Variants in DCLRE1C observed in about 807,000 individuals in gnomAD.
DCLRE1C encodes protein artemis.
In DCLRE1C, 47 loss-of-function variants were observed where a neutral mutation model predicts 61.4. The ratio of observed to expected loss-of-function variants is 0.77; its 90% confidence interval spans 0.61 to 0.98. DCLRE1C has a LOEUF of 0.98. Among genes scored for constraint, DCLRE1C ranks in the 50% least tolerant of loss-of-function variants. The pLI, the probability that DCLRE1C is intolerant of heterozygous loss-of-function variation, is 0.00. For synonymous variants in DCLRE1C, 337 were observed against 287.6 expected, an observed-to-expected ratio of 1.17 and a Z score of -1.74; for missense variants, 858 against 816.0, an observed-to-expected ratio of 1.05 and a Z score of -0.63.
intron 10 of DCLRE1C, among the ~76,000 whole-genome samples, 172 bp from the exon 11 acceptor site, chr10:14,927,069 G>A (rs1838128050): frequency 6.6e-6 from 1 of 152,208 alleles, no homozygotes; most frequent in African/African-American, 2.4e-5. Context: ...GGATAGCAGG[G>A]AACCTTTTCC....
intron 1 of DCLRE1C, among the ~76,000 whole-genome samples, chr10:14,951,484 T>G (rs537098927): frequency 2.1e-4 from 32 of 150,660 alleles, no homozygotes; most frequent in East Asian, 1.4e-3. Context: ...CAGTTTCTCA[T>G]GTTTGAGCTG....
At chr10:14,936,034 C>T (rs1564445088) in intron 5 of DCLRE1C, among the ~76,000 whole-genome samples, 1 of 152,146 alleles carries the variant, frequency 6.6e-6, no homozygotes, top group Non-Finnish European at 1.5e-5. Flanking sequence ...GCTGGGACTA[C>T]AGGGGTGTGC....
chr10:14,908,305 T>A lies in DCLRE1C; in HGVS notation c.*103A>T. On this transcript the variant is annotated 3_prime_UTR_variant, in exon 14 of 14. Coordinates refer to ENST00000378278, the MANE Select transcript of DCLRE1C (RefSeq NM_001033855.3). ...TGTGAGCCACCACACCCAACCAGGT[T>A]ATTTGAACATTTTTAAGTACTGTAT... The A allele has an allele frequency of 1.0e-6, 1 of 988,694 alleles. No individual in the cohort carries two copies. 61.2% of individuals were successfully genotyped at this position (988,694 alleles called of 1,614,324 possible). A position where few individuals can be genotyped will look rare whatever the true frequency, so the allele number is the denominator to read the frequency against.
chr10:14,924,841 C>T (rs1038013724), intron 11 of DCLRE1C, among the ~76,000 whole-genome samples: 6 of 151,110 alleles, frequency 4.0e-5, no homozygotes, highest in African/African-American at 1.5e-4. Flanking sequence ...AGCGAGACTC[C>T]ATCTCAAAAA....
chr10:14,948,378 T>C (rs1841990265), intron 2 of DCLRE1C, among the ~76,000 whole-genome samples: 1 of 152,166 alleles, frequency 6.6e-6, no homozygotes, highest in South Asian at 2.1e-4. Flanking sequence ...AGGGGGAATT[T>C]AGATGTAGGC....
At chr10:14,924,071 G>A (rs968183971) in intron 11 of DCLRE1C, among the ~76,000 whole-genome samples, 2 of 152,240 alleles carry the variant, frequency 1.3e-5, no homozygotes, top group Non-Finnish European at 2.9e-5. Context: ...TTGACACACA[G>A]GCTTAAGTAG....
At position 14,954,077 on chromosome 10, in the gene DCLRE1C, G is replaced by GC; in HGVS notation, c.-68dup. The GC allele has an allele frequency of 6.2e-7, 1 of 1,604,112 alleles. No individual in the cohort carries two copies. Among genetic ancestry groups the GC allele is most frequent in the Non-Finnish European group, 8.5e-7 (1 of 1,177,344 alleles). ...TGAAGCCAAGGCCAGCCCTGACCGC[G>GC]CCGCCACTTCCGGGAAGCCGCGCGC... On this transcript the variant is annotated 5_prime_UTR_variant, in exon 1 of 14. Transcript: ENST00000378278.
intron 12 of DCLRE1C, among the ~76,000 whole-genome samples, chr10:14,922,238 C>G (rs1489177844): frequency 6.6e-6 from 1 of 152,040 alleles, no homozygotes; most frequent in Non-Finnish European, 1.5e-5. Context: ...CTCGGGAGTT[C>G]GAGACCATCC....
rs1554773491 is a variant in DCLRE1C, at chr10:14,908,502, G to A, written c.1985C>T (p.Pro662Leu). The part of the protein sequence containing the change: ...EVPSTPEAEL[P>L]KREHLQYLYE... ...TAAATATTGTAAATGCTCTCGTTTAGGTAACTCAGCTTCTGGAGTTGAGGG... is the reference window on the plus strand; with the variant it reads ...TAAATATTGTAAATGCTCTCGTTTAAGTAACTCAGCTTCTGGAGTTGAGGG... The change falls in exon 14 of 14, where the codon CCT becomes CTT. Residue 662 changes from proline (P) to leucine (L), a missense_variant. This residue lies in a region of DCLRE1C where 843 missense variants were observed against 783.5 expected (regional missense o/e 1.08). Coordinates refer to ENST00000378278, the MANE Select transcript of DCLRE1C (RefSeq NM_001033855.3). 6.2e-7 allele frequency: 1 copy of A among 1,613,988 alleles called. No homozygotes were observed. Among genetic ancestry groups the A allele is most frequent in the South Asian group, 1.1e-5 (1 of 91,064 alleles).
chr10:14,944,682 T>C (rs1170573726), intron 3 of DCLRE1C, among the ~76,000 whole-genome samples: 2 of 147,178 alleles, frequency 1.4e-5, no homozygotes, highest in Non-Finnish European at 3.0e-5. Flanking sequence ...TCTTTTTTTT[T>C]TTTTTTTTTT....
intron 13 of DCLRE1C, among the ~76,000 whole-genome samples, chr10:14,912,888 A>G (rs1391489824): frequency 6.7e-6 from 1 of 149,606 alleles, no homozygotes; most frequent in East Asian, 1.9e-4. Flanking sequence ...TCACCGTGTT[A>G]GCCAGGATGG....
chr10:14,949,701 T>C (rs1412200164), intron 1 of DCLRE1C, among the ~76,000 whole-genome samples: 2 of 152,240 alleles, frequency 1.3e-5, no homozygotes, highest in Non-Finnish European at 2.9e-5. Flanking sequence ...ATATTCTGAA[T>C]CTTTAGCAAG....
At chr10:14,954,206 CT>C, upstream of DCLRE1C, 1 of 852,570 alleles carries the variant, frequency 1.2e-6, no homozygotes, top group Non-Finnish European at 1.8e-6. Flanking sequence ...GCGCCCGCTG[CT>C]TGGGTTTAAA....
chr10:14,905,636 A>G lies in DCLRE1C; in HGVS notation c.*2772T>C, dbSNP rs1199020673. ...ATTTAAGTCCTGGAACTCTTCTCCA[A>G]GATAAATGTGGCTGACTGCTGAGTG... On this transcript the variant is annotated 3_prime_UTR_variant, in exon 14 of 14. Transcript: ENST00000378278. Among the ~76,000 whole-genome samples the G allele has an allele frequency of 6.6e-6, 1 of 152,232 alleles. No individual in the cohort carries two copies. Among genetic ancestry groups the G allele is most frequent in the African/African-American group, 2.4e-5 (1 of 41,468 alleles).
chr10:14,927,630 G>C (rs1838246143), intron 10 of DCLRE1C, among the ~76,000 whole-genome samples: 1 of 141,690 alleles, frequency 7.1e-6, no homozygotes, highest in African/African-American at 2.6e-5. Context: ...AGGGAGGGAG[G>C]GAGGGACCTG....
At chr10:14,916,681 C>T (rs545250541) in intron 13 of DCLRE1C, among the ~76,000 whole-genome samples, 2 of 152,220 alleles carry the variant, frequency 1.3e-5, no homozygotes, top group South Asian at 4.1e-4. Context: ...CAGTATCCCC[C>T]AAAATGAAAT....
At chr10:14,919,897 A>T in intron 12 of DCLRE1C, 65 bp from the exon 13 acceptor site, 3 of 1,283,602 alleles carry the variant, frequency 2.3e-6, no homozygotes, top group Non-Finnish European at 3.4e-6. Context: ...GACATCATTG[A>T]TAGTATTACA....
At chr10:14,943,975 G>T (rs1014090314) in intron 3 of DCLRE1C, among the ~76,000 whole-genome samples, 12 of 152,048 alleles carry the variant, frequency 7.9e-5, no homozygotes, top group African/African-American at 2.9e-4. Context: ...CTATTCACCA[G>T]ACTTTTTCCT....
At chr10:14,927,103 C>G (rs567539509) in intron 10 of DCLRE1C, among the ~76,000 whole-genome samples, 1 of 152,136 alleles carries the variant, frequency 6.6e-6, no homozygotes, top group African/African-American at 2.4e-5. Context: ...TGTTGTAGAC[C>G]GCGTGTGGTG....
Sources: allele counts gnomAD v4.1 joint callset (sites outside exome capture counted in the v4.1 genomes callset), GRCh38; gene constraint gnomAD v4.1.1; regional missense constraint gnomAD v4.1.1; transcripts MANE v1.5; gene names NCBI Gene and HGNC (gene_info 2026-07-23, HGNC 2026-07-21).